The following OR4M1 variants were observed in gnomAD, a reference collection of about 807,000 sequenced individuals.
The protein encoded by OR4M1 is olfactory receptor family 4 subfamily M member 1.
Under a neutral mutation model 9.8 loss-of-function variants are expected in OR4M1, and 7 were observed. The ratio of observed to expected loss-of-function variants is 0.71; its 90% CI spans 0.41 to 1.34. The LOEUF is 1.34. OR4M1 is among the 40% of genes most tolerant of loss of function. OR4M1 has a pLI of 0.01. For missense variants in OR4M1, 331 were observed against 380.4 expected, an observed-to-expected ratio of 0.87 and a Z score of 1.08; for synonymous variants, 121 against 139.8, an observed-to-expected ratio of 0.87 and a Z score of 0.95.
chr14:19,779,804 G>C (rs973110114), intron 1 of OR4M1, among the ~76,000 whole-genome samples: 4 of 152,190 alleles, frequency 2.6e-5, no homozygotes, highest in Admixed American at 1.3e-4. Flanking sequence ...GAAGCCTTGG[G>C]ATCTCTTTTC....
Position 19,780,540 on chromosome 14 carries a change from A to G in OR4M1, c.218A>G (p.Tyr73Cys), listed in dbSNP as rs1878446641. Residue 73 changes from tyrosine (Y) to cysteine (C), a missense_variant, in exon 2 of 2, where the codon TAC (tyrosine) becomes TGC (cysteine). Transcript: ENST00000641200. ...AATCTGGCCCTCCTTGATATTTGGT[A>G]CTCTTCCATTACAGCCCCTAAAATG... ...LANLALLDIWYSSITAPKMLI... is the reference protein window; with the variant it reads ...LANLALLDIWCSSITAPKMLI... 1 of 1,614,150 alleles carries G rather than the reference A, an allele frequency of 6.2e-7. No homozygotes were observed.
At chr14:19,774,034 T>A (rs1184402913) in intron 1 of OR4M1, among the ~76,000 whole-genome samples, 3 of 152,240 alleles carry the variant, frequency 2.0e-5, no homozygotes, top group Non-Finnish European at 4.4e-5. Flanking sequence ...TTTAGTTACT[T>A]CTTCTTATAG....
chr14:19,776,428 C>T (rs1878310953), intron 1 of OR4M1, among the ~76,000 whole-genome samples: 1 of 152,208 alleles, frequency 6.6e-6, no homozygotes, highest in Admixed American at 6.6e-5. Context: ...TGGGTATTTC[C>T]ATAGTCACCC....
chr14:19,777,010 A>AAGC (rs2138428586), intron 1 of OR4M1, among the ~76,000 whole-genome samples: 1 of 90,044 alleles, frequency 1.1e-5, no homozygotes, highest in African/African-American at 4.2e-5. Context: ...TTTAAGCCAT[A>AAGC]TATATATATA....
At position 19,780,538 on chromosome 14, in the gene OR4M1, G is replaced by A. The variant is rs1878446550; in HGVS notation, c.216G>A (p.Trp72Ter). The A allele has an allele frequency of 6.2e-7, 1 of 1,614,152 alleles. No homozygotes were observed. Among genetic ancestry groups the A allele is most frequent in the Middle Eastern group, 1.6e-4 (1 of 6,062 alleles). Residue 72 changes from tryptophan to a stop codon, truncating the protein, a stop_gained, in exon 2 of 2, where the codon TGG becomes TGA. Transcript: ENST00000641200. LOFTEE classifies it high-confidence loss of function. ...LLANLALLDI[W>*]YSSITAPKML... ...CTAATCTGGCCCTCCTTGATATTTGGTACTCTTCCATTACAGCCCCTAAAA... is the reference window on the plus strand; with the variant it reads ...CTAATCTGGCCCTCCTTGATATTTGATACTCTTCCATTACAGCCCCTAAAA...
At position 19,775,349 on chromosome 14, in the gene OR4M1, G is replaced by A. The variant is rs548366803; in HGVS notation, c.-30+1756G>A. Among the ~76,000 whole-genome samples, 12 of 152,060 alleles carry A rather than the reference G, an allele frequency of 7.9e-5. 1 individual carries two copies. Among genetic ancestry groups the A allele is most frequent in the Admixed American group, 2.0e-4 (3 of 15,244 alleles). The stretch of plus-strand genomic sequence containing the variant: ...TATATATTCCTTCTGACACTGTCTC[G>A]AAATATTTGTTTGTGGCTCCTGGCC... On this transcript the variant is annotated intron_variant, in intron 1 of 1. Coordinates refer to ENST00000641200, the MANE Select transcript of OR4M1 (RefSeq NM_001005500.2).
chr14:19,773,955 T>G (rs547105244), intron 1 of OR4M1, among the ~76,000 whole-genome samples: 4 of 152,372 alleles, frequency 2.6e-5, no homozygotes, highest in African/African-American at 9.6e-5. Flanking sequence ...CATGACAGAT[T>G]GTTAAAATAA....
intron 1 of OR4M1, among the ~76,000 whole-genome samples, chr14:19,774,522 G>A (rs1447883292): frequency 6.6e-6 from 1 of 152,218 alleles, no homozygotes; most frequent in Non-Finnish European, 1.5e-5. Flanking sequence ...AATACAAACT[G>A]AAAAATTACA....
Position 19,780,175 on chromosome 14 carries a change from A to C in OR4M1, c.-29-119A>C, listed in dbSNP as rs554275738. 1.8e-5 allele frequency: 17 copies of C among 921,904 alleles called. No homozygotes were observed. In the East Asian group the frequency reaches 4.3e-4, roughly 23 times the overall value. The allele number at this position is 921,904 out of a possible 1,614,324, so 57.1% of individuals were successfully genotyped here. On this transcript the variant is annotated intron_variant, in intron 1 of 1. Coordinates refer to ENST00000641200, the MANE Select transcript of OR4M1 (RefSeq NM_001005500.2). ...TGGTTTATCAAATATAAAATGGGCA[A>C]CCAAATGTATCCTCATGTAATCTGT... is the stretch of plus-strand genomic sequence containing the variant.
At chr14:19,774,790 T>C (rs2138426538) in intron 1 of OR4M1, among the ~76,000 whole-genome samples, 1 of 152,186 alleles carries the variant, frequency 6.6e-6, no homozygotes. Flanking sequence ...GTAGGTACTG[T>C]TATTATTTCC....
intron 1 of OR4M1, 79 bp from the exon 2 acceptor site, chr14:19,780,215 G>A (rs1482746747): frequency 1.6e-5 from 20 of 1,238,930 alleles, no homozygotes; most frequent in Middle Eastern, 2.0e-4. Flanking sequence ...GACAGAAAAC[G>A]TATGACAATT....
chr14:19,783,585 C>A lies in OR4M1; in HGVS notation c.*2321C>A, dbSNP rs537203645. The A allele has an allele frequency of 2.7e-5, 4 of 150,378 alleles. No individual in the cohort carries two copies. The highest frequency in any genetic ancestry group is 1.0e-4 in the African/African-American group (4 of 39,612). The allele number at this position is 150,378 out of a possible 1,614,324, so 9.3% of individuals were successfully genotyped here. A position where few individuals can be genotyped will look rare whatever the true frequency, so the allele number is the denominator to read the frequency against. ...GCTCAGTATCCTCAGCAATCACATA[C>A]AAAATATGCCTCAGGACTCCTTTTC... On this transcript the variant is annotated 3_prime_UTR_variant, in exon 2 of 2. Coordinates refer to ENST00000641200, the MANE Select transcript of OR4M1 (RefSeq NM_001005500.2).
At chr14:19,777,644 TA>T (rs1381148293) in intron 1 of OR4M1, among the ~76,000 whole-genome samples, 8 of 152,224 alleles carry the variant, frequency 5.3e-5, no homozygotes, top group Non-Finnish European at 4.4e-5. Context: ...AGATACTCTC[TA>T]AATGTTTGTG....
In OR4M1 at chr14:19,780,612, G is replaced by A. The variant is rs747720585; in HGVS notation, c.290G>A (p.Cys97Tyr). Residue 97 changes from cysteine (C) to tyrosine (Y), a missense_variant, in exon 2 of 2, where the codon TGC becomes TAC. Transcript: ENST00000641200. ...AGGAAGATAATTTCCTTTGGTGGAT[G>A]CATTGCACAGCTCTTCTTCTTACAC... ...VERKIISFGG[C>Y]IAQLFFLHFV... 1.9e-6 allele frequency: 3 copies of A among 1,614,222 alleles called. No homozygotes were observed. Among genetic ancestry groups the A allele is most frequent in the South Asian group, 2.2e-5 (2 of 91,088 alleles).
intron 1 of OR4M1, among the ~76,000 whole-genome samples, chr14:19,775,504 T>C (rs1176478440): frequency 2.0e-5 from 3 of 150,274 alleles, no homozygotes; most frequent in African/African-American, 4.9e-5. Flanking sequence ...ACCCCATATC[T>C]AAGTATATTA....
chr14:19,777,049 T>TG (rs58150334), intron 1 of OR4M1, among the ~76,000 whole-genome samples: 1 of 115,770 alleles, frequency 8.6e-6, no homozygotes, highest in African/African-American at 3.5e-5. Flanking sequence ...TATATATATA[T>TG]TGTTTGTTTG....
intron 1 of OR4M1, among the ~76,000 whole-genome samples, chr14:19,778,942 A>T (rs1202593952): frequency 2.0e-5 from 3 of 152,200 alleles, no homozygotes; most frequent in Admixed American, 2.0e-4. Context: ...CCTTTTCTAA[A>T]TAGTCCCACA....
intron 1 of OR4M1, among the ~76,000 whole-genome samples, chr14:19,778,434 G>A (rs1325116301): frequency 5.9e-5 from 9 of 152,282 alleles, no homozygotes; most frequent in South Asian, 2.1e-4. Context: ...GGTATTTACC[G>A]CTTTAAAATA....
rs1296934609 is a variant in OR4M1, at chr14:19,783,147, A to G, written c.*1883A>G. On this transcript the variant is annotated 3_prime_UTR_variant, in exon 2 of 2. Transcript: ENST00000641200. Reference sequence around the variant, plus strand: ...AACTAATTGCTTACTTGGGAATATTATCTGAAATTAGAAACTAATATCAAT... The same window carrying G: ...AACTAATTGCTTACTTGGGAATATTGTCTGAAATTAGAAACTAATATCAAT... The G allele has an allele frequency of 2.0e-5, 3 of 152,308 alleles. No homozygotes were observed. Among genetic ancestry groups the G allele is most frequent in the Admixed American group, 1.3e-4 (2 of 15,290 alleles). 9.4% of individuals were successfully genotyped at this position (152,308 alleles called of 1,614,324 possible). A position where few individuals can be genotyped will look rare whatever the true frequency, so the allele number is the denominator to read the frequency against.
Sources: gnomAD v4.1 joint callset for allele counts (sites outside exome capture counted in the v4.1 genomes callset) on GRCh38, gnomAD v4.1.1 for gene constraint, MANE v1.5 for transcripts, NCBI Gene and HGNC (gene_info 2026-07-23, HGNC 2026-07-21) for gene names.